MBOAT2: variants seen among roughly 807,000 people sequenced by gnomAD.
The protein encoded by MBOAT2 is membrane-bound glycerophospholipid O-acyltransferase 2.
In MBOAT2, 28 loss-of-function variants were observed where a neutral mutation model predicts 63.4. That is an observed-to-expected ratio of 0.44 (90% CI 0.33 to 0.61). The LOEUF (loss-of-function observed/expected upper bound fraction) is 0.61. Ranked by LOEUF, MBOAT2 falls within the 20% of genes least tolerant of loss-of-function variation. MBOAT2 has a pLI of 0.03. For missense variants in MBOAT2, 470 were observed against 605.8 expected (o/e 0.78, Z 2.35); for synonymous variants, 211 against 215.6 (o/e 0.98, Z 0.19).
Position 8,908,604 on chromosome 2 carries a change from C to CA in MBOAT2, c.395+16dup, listed in dbSNP as rs1665497908. On this transcript the variant is annotated intron_variant, in intron 4 of 12. Coordinates refer to ENST00000305997, the MANE Select transcript of MBOAT2 (RefSeq NM_138799.4). ...GAATGGATAAAACAGGCTACTGAAT[C>CA]AAAGTTTTCATCTTACCCTGAAAAA... The CA allele has an allele frequency of 7.5e-6, 11 of 1,475,722 alleles. No individual in the cohort carries two copies. The highest frequency in any genetic ancestry group is 1.0e-5 in the Non-Finnish European group (11 of 1,063,288). 91.4% of individuals were successfully genotyped at this position (1,475,722 alleles called of 1,614,324 possible). A position where few individuals can be genotyped will look rare whatever the true frequency, so the allele number is the denominator to read the frequency against.
chr2:8,925,722 C>A (rs1558621519), intron 3 of MBOAT2, among the ~76,000 whole-genome samples: 1 of 152,190 alleles, frequency 6.6e-6, no homozygotes, highest in South Asian at 2.1e-4. Flanking sequence ...AGTTTGAAGT[C>A]CAGTACAGGA....
At chr2:8,938,773 A>G (rs1667849618) in intron 3 of MBOAT2, among the ~76,000 whole-genome samples, 1 of 151,846 alleles carries the variant, frequency 6.6e-6, no homozygotes, top group African/African-American at 2.4e-5. Context: ...GTTTCATGCC[A>G]CCGTGTTTCA....
At chr2:8,971,889 C>A (rs1183008915) in intron 1 of MBOAT2, among the ~76,000 whole-genome samples, 1 of 152,186 alleles carries the variant, frequency 6.6e-6, no homozygotes, top group Admixed American at 6.5e-5. Context: ...AATGGAAGAA[C>A]ATTCCATGCT....
intron 1 of MBOAT2, among the ~76,000 whole-genome samples, chr2:8,963,463 C>A (rs911627095): frequency 1.3e-5 from 2 of 152,068 alleles, no homozygotes; most frequent in African/African-American, 4.8e-5. Flanking sequence ...ACTACCACGC[C>A]CGGCTAATTT....
chr2:8,933,818 T>C, intron 3 of MBOAT2, among the ~76,000 whole-genome samples: 1 of 152,212 alleles, frequency 6.6e-6, no homozygotes, highest in Middle Eastern at 3.4e-3. Flanking sequence ...GTATTAGTCT[T>C]ATCAACCCTC....
chr2:8,944,648 GAC>G (rs61107364), intron 2 of MBOAT2, among the ~76,000 whole-genome samples: 4,821 of 139,554 alleles, frequency 0.035, 59 homozygotes, highest in Middle Eastern at 0.081. Context: ...CTGTTTGACT[GAC>G]ACACACACAC....
chr2:8,923,721 T>C (rs1267367903), intron 3 of MBOAT2, among the ~76,000 whole-genome samples: 4 of 152,192 alleles, frequency 2.6e-5, no homozygotes, highest in African/African-American at 9.7e-5. Flanking sequence ...CAGGCAAGAA[T>C]ACCATCAATT....
intron 3 of MBOAT2, among the ~76,000 whole-genome samples, chr2:8,926,690 GA>G (rs1166565178): frequency 1.3e-5 from 2 of 152,236 alleles, no homozygotes; most frequent in Admixed American, 1.3e-4. Flanking sequence ...AACAGAGTCT[GA>G]AGCAGAAAAG....
At chr2:8,978,119 C>T (rs928192038) in intron 1 of MBOAT2, among the ~76,000 whole-genome samples, 9 of 152,056 alleles carry the variant, frequency 5.9e-5, no homozygotes, top group Non-Finnish European at 1.0e-4. Context: ...ATAAAATCTC[C>T]GCTCCTTACT....
intron 3 of MBOAT2, among the ~76,000 whole-genome samples, chr2:8,928,292 A>T (rs1023173417): frequency 1.3e-5 from 2 of 152,176 alleles, no homozygotes; most frequent in African/African-American, 4.8e-5. Flanking sequence ...CAGTTCCAGG[A>T]GCTGCAGATT....
chr2:8,938,532 C>T (rs187852071), intron 3 of MBOAT2, among the ~76,000 whole-genome samples: 17 of 151,842 alleles, frequency 1.1e-4, no homozygotes, highest in African/African-American at 3.9e-4. Flanking sequence ...CGTTTCATGC[C>T]GCCACGTTTC....
chr2:8,938,568 C>T (rs1325950413), intron 3 of MBOAT2, among the ~76,000 whole-genome samples: 2 of 151,434 alleles, frequency 1.3e-5, no homozygotes, highest in African/African-American at 4.9e-5. Context: ...GCCGCTGTGT[C>T]TCAGGCCACA....
intron 4 of MBOAT2, among the ~76,000 whole-genome samples, chr2:8,904,007 A>G (rs1665152049): frequency 6.6e-6 from 1 of 151,728 alleles, no homozygotes; most frequent in Admixed American, 6.6e-5. Context: ...TTTTTGAGAC[A>G]GCTCTGTCGC....
At chr2:9,000,719 G>A (rs549279071) in intron 1 of MBOAT2, among the ~76,000 whole-genome samples, 2 of 152,274 alleles carry the variant, frequency 1.3e-5, no homozygotes, top group African/African-American at 4.8e-5. Flanking sequence ...AGTGACCAGC[G>A]TGTGAATGCA....
intron 8 of MBOAT2, 46 bp from the exon 9 acceptor site, chr2:8,868,595 A>AATTTACC: frequency 7.0e-7 from 1 of 1,421,686 alleles, no homozygotes. Context: ...TCTCCATAAC[A>AATTTACC]ATTTACCATA....
chr2:8,996,901 C>G (rs532388409), intron 1 of MBOAT2, among the ~76,000 whole-genome samples: 1 of 152,192 alleles, frequency 6.6e-6, no homozygotes, highest in East Asian at 1.9e-4. Flanking sequence ...AAAATACTCT[C>G]GTGGCTCAAA....
chr2:8,903,120 G>C (rs997181794), intron 4 of MBOAT2, among the ~76,000 whole-genome samples: 9 of 152,044 alleles, frequency 5.9e-5, no homozygotes, highest in Non-Finnish European at 1.3e-4. Flanking sequence ...GACACAGAGC[G>C]CTGACTGGTG....
chr2:8,907,828 T>C (rs914779834), intron 4 of MBOAT2, among the ~76,000 whole-genome samples: 9 of 152,216 alleles, frequency 5.9e-5, no homozygotes, highest in African/African-American at 1.9e-4. Flanking sequence ...TCTTGTTTTA[T>C]AGAAGTGATT....
intron 1 of MBOAT2, among the ~76,000 whole-genome samples, chr2:9,000,728 C>A (rs1389225151): frequency 3.3e-5 from 5 of 152,198 alleles, no homozygotes; most frequent in Non-Finnish European, 7.3e-5. Context: ...CGTGTGAATG[C>A]AAAGGTCCAG....
Sources: gnomAD v4.1 joint callset for allele counts (sites outside exome capture counted in the v4.1 genomes callset) on GRCh38, gnomAD v4.1.1 for gene constraint, MANE v1.5 for transcripts, NCBI Gene and HGNC (gene_info 2026-07-23, HGNC 2026-07-21) for gene names.